KIF4A: variants seen among roughly 807,000 people sequenced by gnomAD.
KIF4A encodes chromosome-associated kinesin KIF4A.
A neutral mutation model predicts 105.9 loss-of-function variants in KIF4A; 7 were observed. The observed-to-expected ratio is 0.07, with a 90% CI of 0.04 to 0.12. KIF4A has a LOEUF of 0.12. Among genes scored for constraint, KIF4A ranks in the 10% least tolerant of loss-of-function variants. KIF4A has a pLI of 1.00. For synonymous variants in KIF4A, 281 were observed against 331.3 expected (o/e 0.85, Z 1.65); for missense variants, 558 against 929.2 (o/e 0.60, Z 5.19).
chrX:70,412,660 C>T (rs1240804908), intron 28 of KIF4A, among the ~76,000 whole-genome samples: 1 of 111,909 alleles, frequency 8.9e-6, no homozygotes, highest in Non-Finnish European at 1.9e-5. Flanking sequence ...CCATGGCTCA[C>T]ACCTGTAATC....
At position 70,420,388 on chromosome X, in the gene KIF4A, A is replaced by G. The variant is rs2147746301; in HGVS notation, c.*123A>G. On this transcript the variant is annotated 3_prime_UTR_variant, in exon 31 of 31. Coordinates refer to ENST00000374403, the MANE Select transcript of KIF4A (RefSeq NM_012310.5). ...TTCTTGCTGTTGAAAAAAGGAACAA[A>G]GCGTTACTGAAAAGAAGGTAACCTT... 1.0e-6 allele frequency: 1 copy of G among 958,724 alleles called. No individual in the cohort carries two copies. The highest frequency in any genetic ancestry group is 3.4e-5 in the East Asian group (1 of 29,663). The allele number at this position is 958,724 out of a possible 1,213,427, so 79.0% of individuals were successfully genotyped here. A position where few individuals can be genotyped will look rare whatever the true frequency, so the allele number is the denominator to read the frequency against.
intron 15 of KIF4A, among the ~76,000 whole-genome samples, chrX:70,369,811 A>G (rs911691722): frequency 4.5e-5 from 5 of 111,804 alleles, no homozygotes; most frequent in Admixed American, 9.5e-5. Context: ...TGTATATACT[A>G]TATACTTACA....
At chrX:70,374,742 A>G (rs970771650) in intron 16 of KIF4A, among the ~76,000 whole-genome samples, 6 of 112,118 alleles carry the variant, frequency 5.4e-5, no homozygotes, top group Non-Finnish European at 9.4e-5. Flanking sequence ...GCAGATAACC[A>G]TAACATCCTA....
chrX:70,317,569 A>G (rs2085874300), intron 7 of KIF4A, among the ~76,000 whole-genome samples: 1 of 84,404 alleles, frequency 1.2e-5, no homozygotes, highest in Admixed American at 1.6e-4. Flanking sequence ...TTTTTGAGAC[A>G]GGGTCTCGCT....
chrX:70,309,074 A>G (rs2085838989), intron 7 of KIF4A, among the ~76,000 whole-genome samples: 1 of 112,332 alleles, frequency 8.9e-6, no homozygotes, highest in African/African-American at 3.2e-5. Context: ...ATAGCCTTGT[A>G]CATGATAAAC....
chrX:70,367,566 T>C (rs1223351404), intron 15 of KIF4A, among the ~76,000 whole-genome samples: 1 of 112,086 alleles, frequency 8.9e-6, no homozygotes, highest in Non-Finnish European at 1.9e-5. Flanking sequence ...TTTAAGAATG[T>C]TGAATATTGG....
intron 13 of KIF4A, among the ~76,000 whole-genome samples, chrX:70,347,739 G>A (rs958145495): frequency 2.9e-5 from 3 of 104,895 alleles, no homozygotes; most frequent in African/African-American, 1.0e-4. Flanking sequence ...ACTTTGGGAG[G>A]CCGAGGCGGG....
chrX:70,310,645 C>T (rs1269051148), intron 7 of KIF4A, among the ~76,000 whole-genome samples: 2 of 111,058 alleles, frequency 1.8e-5, no homozygotes, highest in Non-Finnish European at 3.8e-5. Flanking sequence ...TGAGAAAGTG[C>T]CTAACAGTTC....
At chrX:70,354,645 A>G (rs952016966) in intron 15 of KIF4A, among the ~76,000 whole-genome samples, 14 of 112,488 alleles carry the variant, frequency 1.2e-4, no homozygotes, top group African/African-American at 3.9e-4. Flanking sequence ...CTAGCACCCT[A>G]TCTATCCTGG....
chrX:70,331,104 G>C (rs938153753), intron 9 of KIF4A, among the ~76,000 whole-genome samples: 1 of 111,356 alleles, frequency 9.0e-6, no homozygotes, highest in Admixed American at 9.5e-5. Context: ...TATGTACCTT[G>C]GGCAAGTTCT....
At chrX:70,365,913 A>G (rs1188040746) in intron 15 of KIF4A, among the ~76,000 whole-genome samples, 3 of 111,328 alleles carry the variant, frequency 2.7e-5, no homozygotes, top group Admixed American at 1.9e-4. Flanking sequence ...TATTGTCACA[A>G]TTTCAGATCC....
At chrX:70,419,499 C>T (rs748101971) in intron 29 of KIF4A, among the ~76,000 whole-genome samples, 162 bp from the exon 30 acceptor site, 5 of 111,899 alleles carry the variant, frequency 4.5e-5, no homozygotes, top group Admixed American at 9.5e-5. Flanking sequence ...AGGGACAGAG[C>T]GTGTCAAACA....
intron 7 of KIF4A, among the ~76,000 whole-genome samples, chrX:70,327,183 TCAG>T (rs976931889): frequency 3.6e-5 from 4 of 112,035 alleles, no homozygotes; most frequent in African/African-American, 1.3e-4. Context: ...TTGATAAATC[TCAG>T]CAGGCTTTCC....
chrX:70,310,023 A>G (rs1363120962), intron 7 of KIF4A, among the ~76,000 whole-genome samples: 1 of 112,659 alleles, frequency 8.9e-6, no homozygotes, highest in Non-Finnish European at 1.9e-5. Flanking sequence ...AGGCTGGGTG[A>G]CAGAGTGAGA....
At chrX:70,366,794 C>T (rs1384877638) in intron 15 of KIF4A, among the ~76,000 whole-genome samples, 1 of 111,348 alleles carries the variant, frequency 9.0e-6, no homozygotes, top group Non-Finnish European at 1.9e-5. Context: ...AGTTCAATTC[C>T]TGGATATCCT....
intron 15 of KIF4A, among the ~76,000 whole-genome samples, chrX:70,372,041 C>T (rs1164154457): frequency 2.8e-4 from 29 of 103,464 alleles, no homozygotes; most frequent in East Asian, 9.5e-4. Flanking sequence ...ACATCTCAGA[C>T]GATGGGCGGC....
intron 13 of KIF4A, among the ~76,000 whole-genome samples, chrX:70,349,935 G>A (rs1458628836): frequency 2.2e-5 from 2 of 91,245 alleles, no homozygotes; most frequent in Non-Finnish European, 4.3e-5. Context: ...ACGGGGTGGC[G>A]GCCGGGCAGA....
rs2086242702 is a variant in KIF4A at position 70,392,854 on chromosome X, TAATA to T, written c.2233-2815_2233-2812del. Among the ~76,000 whole-genome samples, 6 of 105,698 alleles carry T rather than the reference TAATA, an allele frequency of 5.7e-5. No homozygotes were observed. In the South Asian group the frequency reaches 2.0e-3, roughly 35 times the overall value. 91.8% of individuals were successfully genotyped at this position (105,698 alleles called of 115,157 possible). A position where few individuals can be genotyped will look rare whatever the true frequency, so the allele number is the denominator to read the frequency against. ...TCTGATCTTATAATAATAATAATAA[TAATA>T]ATTATTATTATTATTATTTTGAGAC... On this transcript the variant is annotated intron_variant, in intron 20 of 30. Transcript: ENST00000374403.
At chrX:70,344,363 C>G (rs770332465) in intron 13 of KIF4A, among the ~76,000 whole-genome samples, 19 of 111,626 alleles carry the variant, frequency 1.7e-4, no homozygotes, top group African/African-American at 6.2e-4. Flanking sequence ...TTAAGGCAAC[C>G]AGGGAATACC....
Sources: gnomAD v4.1 joint callset for allele counts (sites outside exome capture counted in the v4.1 genomes callset) on GRCh38, gnomAD v4.1.1 for gene constraint, MANE v1.5 for transcripts, NCBI Gene and HGNC (gene_info 2026-07-23, HGNC 2026-07-21) for gene names.